The following ATP2B4 variants were observed in gnomAD, a reference collection of about 807,000 sequenced individuals.
ATP2B4 encodes plasma membrane calcium-transporting ATPase 4.
In ATP2B4, 39 loss-of-function variants were observed where a neutral mutation model predicts 110.3. The observed-to-expected ratio is 0.35, with a 90% CI of 0.27 to 0.46. The LOEUF is 0.46. Among genes scored for constraint, ATP2B4 ranks in the 20% least tolerant of loss-of-function variants. The probability of loss-of-function intolerance (pLI) is 1.00; values close to 1 mark genes in which losing one functional copy is unlikely to be tolerated. For missense variants in ATP2B4, 1,135 were observed against 1,530.9 expected, an observed-to-expected ratio of 0.74 and a Z score of 4.32; for synonymous variants, 538 against 571.7, an observed-to-expected ratio of 0.94 and a Z score of 0.84.
chr1:203,653,974 TATATATATATA>T (rs1558017169), intron 1 of ATP2B4, among the ~76,000 whole-genome samples: 1 of 123,474 alleles, frequency 8.1e-6, no homozygotes, highest in Non-Finnish European at 1.7e-5. Flanking sequence ...TATATATATA[TATATATATATA>T]TTTTTTTTTT....
At position 203,714,167 on chromosome 1, in the gene ATP2B4, C is replaced by G. The variant is rs1666093854; in HGVS notation, c.2300-4C>G. 7.4e-6 allele frequency: 12 copies of G among 1,613,880 alleles called. No homozygotes were observed. Among genetic ancestry groups the G allele is most frequent in the Non-Finnish European group, 1.0e-5 (12 of 1,179,964 alleles). On this transcript the variant is annotated splice_polypyrimidine_tract_variant and splice_region_variant and intron_variant, in intron 14 of 20. Coordinates refer to ENST00000357681, the MANE Select transcript of ATP2B4 (RefSeq NM_001684.5). ...GCTCACTGTGGTGTGTCTGTTTCTC[C>G]CAGGCATAATTGACAGCACTGTTGG... is the stretch of plus-strand genomic sequence containing the variant.
chr1:203,627,540 C>T (rs982001666), intron 1 of ATP2B4, among the ~76,000 whole-genome samples: 1 of 151,998 alleles, frequency 6.6e-6, no homozygotes, highest in Non-Finnish European at 1.5e-5. Context: ...AAATATTTAT[C>T]TCCCCTCCCT....
chr1:203,733,462 T>A, intron 20 of ATP2B4: 1 of 1,451,322 alleles, frequency 6.9e-7, no homozygotes, highest in Non-Finnish European at 9.3e-7. Flanking sequence ...GCACGTGGCA[T>A]CCACTTTAAC....
intron 1 of ATP2B4, among the ~76,000 whole-genome samples, chr1:203,672,455 G>A (rs1401413942): frequency 4.7e-5 from 7 of 150,534 alleles, no homozygotes; most frequent in African/African-American, 9.8e-5. Context: ...CTTTACCGTC[G>A]CTGGGCTGCA....
At chr1:203,658,706 A>G (rs10793756) in intron 1 of ATP2B4, among the ~76,000 whole-genome samples, 131,251 of 152,196 alleles carry the variant, frequency 0.86, 58,099 homozygotes, top group Non-Finnish European at 0.97. Flanking sequence ...TAACTATAGT[A>G]TATAAATTGG....
At chr1:203,738,221 G>C (rs192340356) in intron 20 of ATP2B4, among the ~76,000 whole-genome samples, 1 of 151,626 alleles carries the variant, frequency 6.6e-6, no homozygotes, top group East Asian at 1.9e-4. Context: ...AACTAGAACC[G>C]TCCTACAACC....
At chr1:203,660,742 T>A (rs910528222) in intron 1 of ATP2B4, among the ~76,000 whole-genome samples, 2 of 151,582 alleles carry the variant, frequency 1.3e-5, no homozygotes, top group African/African-American at 4.9e-5. Context: ...GAGGTTGCAG[T>A]GAGCCAAGAT....
At chr1:203,636,941 A>C (rs769586907) in intron 1 of ATP2B4, among the ~76,000 whole-genome samples, 29 of 152,186 alleles carry the variant, frequency 1.9e-4, no homozygotes, top group Non-Finnish European at 3.5e-4. Context: ...GATGTTTGGG[A>C]GTAGAACAGG....
chr1:203,648,430 A>T (rs1663874613), intron 1 of ATP2B4, among the ~76,000 whole-genome samples: 1 of 152,190 alleles, frequency 6.6e-6, no homozygotes, highest in Non-Finnish European at 1.5e-5. Context: ...GGGACACTAG[A>T]TGGGAAAGTC....
chr1:203,673,820 C>T (rs1193922945), intron 1 of ATP2B4, among the ~76,000 whole-genome samples: 1 of 152,170 alleles, frequency 6.6e-6, no homozygotes, highest in Admixed American at 6.5e-5. Flanking sequence ...ACTTCTTCCC[C>T]CTTGTCCTGA....
rs1663408227 is a variant in ATP2B4 at position 203,635,396 on chromosome 1, G to A, written c.-465+8177G>A. 1.3e-5 allele frequency among the ~76,000 whole-genome samples: 2 copies of A among 152,204 alleles called. 1 individual carries two copies. Among genetic ancestry groups the A allele is most frequent in the South Asian group, 4.1e-4 (2 of 4,836 alleles). ...CAATCCTCCGACCTCAGCCTCCCAA[G>A]TAACTGGAGCAGGTGCATGCCACCA... On this transcript the variant is annotated intron_variant, in intron 1 of 20. Coordinates refer to ENST00000357681, the MANE Select transcript of ATP2B4 (RefSeq NM_001684.5).
chr1:203,736,450 A>T (rs1666879556), intron 20 of ATP2B4, among the ~76,000 whole-genome samples: 1 of 152,076 alleles, frequency 6.6e-6, no homozygotes, highest in Non-Finnish European at 1.5e-5. Flanking sequence ...CTTGGGCAAC[A>T]AGAGTGAAAC....
At chr1:203,633,959 A>G (rs2102295720) in intron 1 of ATP2B4, among the ~76,000 whole-genome samples, 1 of 152,234 alleles carries the variant, frequency 6.6e-6, no homozygotes, top group East Asian at 1.9e-4. Context: ...CTGAGGCAGG[A>G]GAATCGCTTG....
chr1:203,669,314 C>A (rs138157220), intron 1 of ATP2B4, among the ~76,000 whole-genome samples: 134 of 152,284 alleles, frequency 8.8e-4, no homozygotes, highest in Admixed American at 4.8e-3. Flanking sequence ...ATTCAGTCTG[C>A]CAATTTTAAG....
chr1:203,688,340 C>T (rs1473405918), intron 2 of ATP2B4, among the ~76,000 whole-genome samples: 5 of 151,934 alleles, frequency 3.3e-5, no homozygotes, highest in South Asian at 2.1e-4. Flanking sequence ...GCTCTGTCAC[C>T]GAGGCTGGAG....
intron 7 of ATP2B4, among the ~76,000 whole-genome samples, chr1:203,702,328 G>A (rs1363639404): frequency 6.6e-6 from 1 of 152,152 alleles, no homozygotes; most frequent in Non-Finnish European, 1.5e-5. Context: ...TTGTCTTGGG[G>A]AGTGTGTAGG....
chr1:203,669,584 G>A (rs1389361528), intron 1 of ATP2B4, among the ~76,000 whole-genome samples: 2 of 152,032 alleles, frequency 1.3e-5, no homozygotes, highest in African/African-American at 2.4e-5. Flanking sequence ...TTACAGGCAC[G>A]TGCCACCACC....
intron 1 of ATP2B4, among the ~76,000 whole-genome samples, chr1:203,669,205 A>G (rs963765865): frequency 6.6e-6 from 1 of 152,212 alleles, no homozygotes; most frequent in Non-Finnish European, 1.5e-5. Flanking sequence ...CCTAGAGAGT[A>G]GATGGATTCC....
intron 2 of ATP2B4, among the ~76,000 whole-genome samples, chr1:203,683,761 C>A (rs1192616952): frequency 6.8e-6 from 1 of 146,396 alleles, no homozygotes; most frequent in Non-Finnish European, 1.5e-5. Context: ...GCAGCCTCAA[C>A]CTCCTGGGCT....
Sources: gnomAD v4.1 joint callset for allele counts (sites outside exome capture counted in the v4.1 genomes callset) on GRCh38, gnomAD v4.1.1 for gene constraint, MANE v1.5 for transcripts, NCBI Gene and HGNC (gene_info 2026-07-23, HGNC 2026-07-21) for gene names.